ANKRD30B: variants seen among roughly 807,000 people sequenced by gnomAD.
ANKRD30B encodes ankyrin repeat domain-containing protein 30B.
In ANKRD30B, 144 loss-of-function variants were observed where a neutral mutation model predicts 202.2. The ratio of observed to expected loss-of-function variants is 0.71; its 90% CI spans 0.62 to 0.82. ANKRD30B has a LOEUF of 0.82. ANKRD30B is among the 40% of genes least tolerant of loss of function. ANKRD30B has a pLI of 0.00. For synonymous variants in ANKRD30B, 508 were observed against 561.3 expected (o/e 0.91, Z 1.34); for missense variants, 1,487 against 1,669.1 (o/e 0.89, Z 1.90).
the ANKRD30B span, among the ~76,000 whole-genome samples, chr18:14,923,371 T>G: frequency 6.6e-6 from 1 of 152,150 alleles, no homozygotes; most frequent in Non-Finnish European, 1.5e-5. Flanking sequence ...GGCCTGGCAG[T>G]ACTCCCTGTG....
At position 14,806,738 on chromosome 18, in the gene ANKRD30B, C is replaced by T. The variant is rs1395004438; in HGVS notation, c.2285-1813C>T. Among the ~76,000 whole-genome samples the T allele has an allele frequency of 2.2e-4, 33 of 148,748 alleles. 1 individual carries two copies. The highest frequency in any genetic ancestry group is 4.3e-4 in the Non-Finnish European group (29 of 67,228). On this transcript the variant is annotated intron_variant, in intron 24 of 43. Transcript: ENST00000690538. ...TTATCTTGTCTTAGAAAGGTCAAAGCCAGCTATTTTCTTCATAAAGGAAAA... is the reference window on the plus strand; with the variant it reads ...TTATCTTGTCTTAGAAAGGTCAAAGTCAGCTATTTTCTTCATAAAGGAAAA...
At chr18:14,800,499 T>C (rs1418034262) in intron 22 of ANKRD30B, among the ~76,000 whole-genome samples, 2 of 150,902 alleles carry the variant, frequency 1.3e-5, no homozygotes, top group Non-Finnish European at 2.9e-5. Flanking sequence ...TCATTCTTTG[T>C]ATTTTTAGTA....
At chr18:14,781,531 C>T (rs1390414305) in intron 11 of ANKRD30B, among the ~76,000 whole-genome samples, 1 of 152,224 alleles carries the variant, frequency 6.6e-6, no homozygotes, top group Admixed American at 6.5e-5. Flanking sequence ...TTAACATTCT[C>T]TTTATGCCAT....
At chr18:14,886,658 A>G in the ANKRD30B span, among the ~76,000 whole-genome samples, 1 of 152,116 alleles carries the variant, frequency 6.6e-6, no homozygotes, top group South Asian at 2.1e-4. Flanking sequence ...CAAAATGAAG[A>G]TTAGTTTTAT....
chr18:14,849,649 A>G (rs1971801930), intron 40 of ANKRD30B, among the ~76,000 whole-genome samples: 1 of 151,682 alleles, frequency 6.6e-6, no homozygotes, highest in South Asian at 2.1e-4. Flanking sequence ...AAAATATATA[A>G]TACTCAACAA....
the ANKRD30B span, among the ~76,000 whole-genome samples, chr18:14,877,284 G>A: frequency 6.6e-6 from 1 of 150,902 alleles, no homozygotes; most frequent in Non-Finnish European, 1.5e-5. Context: ...TCATTGCCTG[G>A]CATGGAACGG....
intron 30 of ANKRD30B, among the ~76,000 whole-genome samples, chr18:14,815,494 A>T (rs1361462632): frequency 1.3e-5 from 2 of 152,084 alleles, no homozygotes; most frequent in African/African-American, 4.8e-5. Flanking sequence ...TCATGGGAAA[A>T]ATGTGGAAGA....
the ANKRD30B span, among the ~76,000 whole-genome samples, chr18:14,921,882 A>T: frequency 4.1e-3 from 620 of 152,148 alleles, 3 homozygotes; most frequent in Non-Finnish European, 5.6e-3. Flanking sequence ...GAAAAAGGGG[A>T]GACAGAGCAA....
intron 3 of ANKRD30B, among the ~76,000 whole-genome samples, chr18:14,753,482 C>T (rs1479045175): frequency 2.0e-5 from 3 of 152,156 alleles, no homozygotes; most frequent in Non-Finnish European, 4.4e-5. Flanking sequence ...TGCCACTGTG[C>T]CCACCTAGTT....
At chr18:14,870,863 A>C in the ANKRD30B span, among the ~76,000 whole-genome samples, 1 of 152,018 alleles carries the variant, frequency 6.6e-6, no homozygotes, top group Admixed American at 6.5e-5. Context: ...GACACAGCCC[A>C]CCTGCCTGGC....
intron 24 of ANKRD30B, among the ~76,000 whole-genome samples, chr18:14,806,862 A>G (rs1942801202): frequency 6.6e-6 from 1 of 150,500 alleles, no homozygotes; most frequent in South Asian, 2.1e-4. Context: ...AAACAAGCAG[A>G]TGAATTAATG....
At chr18:14,874,643 G>C in the ANKRD30B span, among the ~76,000 whole-genome samples, 1 of 152,122 alleles carries the variant, frequency 6.6e-6, no homozygotes, top group Non-Finnish European at 1.5e-5. Context: ...AGATGAAAGT[G>C]GTTAGCAGGG....
intron 21 of ANKRD30B, 44 bp downstream of exon 21, chr18:14,799,173 T>A: frequency 3.1e-6 from 5 of 1,589,830 alleles, no homozygotes; most frequent in Non-Finnish European, 4.3e-6. Context: ...CCTACATATT[T>A]TATGAAGTAT....
At chr18:14,896,174 C>T in the ANKRD30B span, among the ~76,000 whole-genome samples, 151 of 151,920 alleles carry the variant, frequency 9.9e-4, no homozygotes, top group African/African-American at 3.4e-3. Context: ...CTCTGTCGCC[C>T]AGGCTGGAGT....
chr18:14,913,516 ACT>A, the ANKRD30B span, among the ~76,000 whole-genome samples: 2 of 152,138 alleles, frequency 1.3e-5, no homozygotes, highest in African/African-American at 4.8e-5. Context: ...AACAATTCAC[ACT>A]CTCTTTTAGG....
chr18:14,753,533 T>G (rs12103991), intron 3 of ANKRD30B, among the ~76,000 whole-genome samples: 2 of 152,058 alleles, frequency 1.3e-5, no homozygotes, highest in Non-Finnish European at 2.9e-5. Context: ...TCTGTAAATA[T>G]TTCAGTTATC....
At chr18:14,805,133 C>A (rs186741540) in intron 24 of ANKRD30B, among the ~76,000 whole-genome samples, 1 of 150,456 alleles carries the variant, frequency 6.6e-6, no homozygotes, top group East Asian at 1.9e-4. Flanking sequence ...AATGTAAGAA[C>A]CTTGGCTTTA....
At chr18:14,871,702 G>A in the ANKRD30B span, among the ~76,000 whole-genome samples, 1 of 151,960 alleles carries the variant, frequency 6.6e-6, no homozygotes, top group South Asian at 2.1e-4. Flanking sequence ...AGACCAGCCT[G>A]GGTAACATAG....
At chr18:14,772,085 A>G in intron 8 of ANKRD30B, 71 bp from the exon 9 acceptor site, 2 of 961,638 alleles carry the variant, frequency 2.1e-6, no homozygotes, top group Non-Finnish European at 2.9e-6. Flanking sequence ...GAGCACCAAG[A>G]TATGAACTAG....
Sources: allele counts gnomAD v4.1 joint callset (sites outside exome capture counted in the v4.1 genomes callset), GRCh38; gene constraint gnomAD v4.1.1; transcripts MANE v1.5; gene names NCBI Gene and HGNC (gene_info 2026-07-23, HGNC 2026-07-21).